Variants in GNG2 observed in about 807,000 individuals in gnomAD.
GNG2 encodes G protein subunit gamma 2.
In GNG2, 5 loss-of-function variants were observed where a neutral mutation model predicts 5.5. The observed-to-expected ratio is 0.91, with a 90% CI of 0.48 to 1.92. The LOEUF (loss-of-function observed/expected upper bound fraction) is 1.92, where lower values mean the gene tolerates loss of function less well. Ranked by LOEUF, GNG2 falls within the 30% of genes most tolerant of loss-of-function variation. The pLI, the probability that GNG2 is intolerant of heterozygous loss-of-function variation, is 0.01. For synonymous variants in GNG2, 28 were observed against 32.0 expected (o/e 0.88, Z 0.42); for missense variants, 55 against 88.4 (o/e 0.62, Z 1.52).
chr14:51,829,842 C>CTTTTT (rs1178449589), intron 2 of GNG2, among the ~76,000 whole-genome samples: 1 of 113,252 alleles, frequency 8.8e-6, no homozygotes, highest in African/African-American at 3.6e-5. Context: ...CTCCCTACTT[C>CTTTTT]TTCTTTTTTT....
At chr14:51,839,509 A>G (rs191466709) in intron 2 of GNG2, among the ~76,000 whole-genome samples, 2 of 152,242 alleles carry the variant, frequency 1.3e-5, no homozygotes, top group East Asian at 3.9e-4. Flanking sequence ...GGTTTGCCCT[A>G]CACAGTTCCC....
chr14:51,924,230 A>C (rs546620794), intron 2 of GNG2, among the ~76,000 whole-genome samples: 12 of 152,340 alleles, frequency 7.9e-5, no homozygotes, highest in Non-Finnish European at 1.5e-4. Context: ...GAAAATAGGA[A>C]TGATAACACC....
intron 2 of GNG2, among the ~76,000 whole-genome samples, chr14:51,943,493 C>A (rs1166374342): frequency 6.6e-6 from 1 of 152,192 alleles, no homozygotes; most frequent in Non-Finnish European, 1.5e-5. Context: ...TCTAATGGGA[C>A]TCTGTCAACC....
chr14:51,961,166 T>G (rs1889591683), intron 3 of GNG2, among the ~76,000 whole-genome samples: 1 of 152,174 alleles, frequency 6.6e-6, no homozygotes, highest in South Asian at 2.1e-4. Context: ...AGTTAAAAAT[T>G]ATTTCTTCAT....
intron 2 of GNG2, among the ~76,000 whole-genome samples, chr14:51,879,696 C>T (rs1883914568): frequency 2.0e-5 from 3 of 152,188 alleles, no homozygotes; most frequent in South Asian, 4.1e-4. Flanking sequence ...CGTCTTTCTA[C>T]CATAGTCCCA....
chr14:51,879,979 T>C, intron 2 of GNG2, among the ~76,000 whole-genome samples: 1 of 152,202 alleles, frequency 6.6e-6, no homozygotes, highest in African/African-American at 2.4e-5. Context: ...GACCATCTAA[T>C]GTCTAATTAT....
At chr14:51,906,635 T>G (rs12147761) in intron 2 of GNG2, among the ~76,000 whole-genome samples, 95,565 of 151,996 alleles carry the variant, frequency 0.63, 30,523 homozygotes, top group East Asian at 0.95. Context: ...AGAAAGCTAT[T>G]AATTGTACAG....
At chr14:51,842,461 G>A (rs529114982) in intron 2 of GNG2, among the ~76,000 whole-genome samples, 7 of 152,084 alleles carry the variant, frequency 4.6e-5, no homozygotes, top group Non-Finnish European at 7.4e-5. Context: ...TGCAGCAGCC[G>A]CAGGGCTCCG....
intron 2 of GNG2, among the ~76,000 whole-genome samples, chr14:51,880,222 A>T (rs572997419): frequency 6.6e-6 from 1 of 152,292 alleles, no homozygotes; most frequent in Non-Finnish European, 1.5e-5. Context: ...CCAACTCTGG[A>T]GGGTTTGCCT....
exon 2 of GNG2, chr14:51,827,767 A>G (rs1881067252): frequency 1.4e-6 from 1 of 700,534 alleles, no homozygotes; most frequent in Non-Finnish European, 2.6e-6. Flanking sequence ...TGCAACCTCC[A>G]ATGGAAAGAG....
intron 2 of GNG2, among the ~76,000 whole-genome samples, chr14:51,887,768 A>G (rs528684810): frequency 1.3e-5 from 2 of 152,360 alleles, no homozygotes; most frequent in African/African-American, 2.4e-5. Context: ...CCTAGTATGA[A>G]AAATGAGAAT....
intron 2 of GNG2, among the ~76,000 whole-genome samples, chr14:51,881,741 T>C (rs1368141196): frequency 6.7e-6 from 1 of 150,312 alleles, no homozygotes; most frequent in Non-Finnish European, 1.5e-5. Context: ...TTTAATAGTT[T>C]CCTGTCTTCC....
At chr14:51,962,565 A>C (rs1889676299) in intron 3 of GNG2, among the ~76,000 whole-genome samples, 3 of 152,232 alleles carry the variant, frequency 2.0e-5, no homozygotes, top group African/African-American at 7.2e-5. Context: ...AATCCAAATT[A>C]ATTGCCTTTA....
chr14:51,895,829 G>A (rs946336003), intron 2 of GNG2, among the ~76,000 whole-genome samples: 5 of 152,180 alleles, frequency 3.3e-5, no homozygotes, highest in Admixed American at 3.3e-4. Context: ...CTGTTCTTGC[G>A]ATAGTGAATG....
At chr14:51,887,613 C>T (rs80055246) in intron 2 of GNG2, among the ~76,000 whole-genome samples, 14,158 of 152,080 alleles carry the variant, frequency 0.093, 894 homozygotes, top group Non-Finnish European at 0.14. Flanking sequence ...AGTTCTGGGA[C>T]GGGTTGGGTC....
At position 51,869,703 on chromosome 14, in the gene GNG2, G is replaced by C. The variant is rs139654057; in HGVS notation, c.-70-7914G>C. ...TAATTTTTGTATTTGAGTAAAGATGGGGTTTCACCGTGTTACCCAGACTGG... is the reference window on the plus strand; with the variant it reads ...TAATTTTTGTATTTGAGTAAAGATGCGGTTTCACCGTGTTACCCAGACTGG... On this transcript the variant is annotated intron_variant, in intron 1 of 3. Transcript: ENST00000556766. 2.1e-3 allele frequency among the ~76,000 whole-genome samples: 318 copies of C among 152,136 alleles called. 2 individuals carry two copies. The highest frequency in any genetic ancestry group is 6.9e-3 in the African/African-American group (287 of 41,490).
At chr14:51,837,631 G>T (rs892028212) in intron 2 of GNG2, among the ~76,000 whole-genome samples, 12 of 145,860 alleles carry the variant, frequency 8.2e-5, no homozygotes, top group Non-Finnish European at 1.8e-4. Flanking sequence ...TGGGTGACAG[G>T]GTGAGACTCC....
At chr14:51,835,065 C>T (rs1881294799) in intron 2 of GNG2, among the ~76,000 whole-genome samples, 1 of 152,218 alleles carries the variant, frequency 6.6e-6, no homozygotes, top group South Asian at 2.1e-4. Flanking sequence ...CAGAGAGTGG[C>T]TCAGCTCCTT....
chr14:51,846,431 C>T (rs1265979666), intron 2 of GNG2, among the ~76,000 whole-genome samples: 1 of 152,086 alleles, frequency 6.6e-6, no homozygotes, highest in Admixed American at 6.6e-5. Context: ...AGGAAAGCAG[C>T]TAAATTTGTT....
Sources: gnomAD v4.1 joint callset for allele counts (sites outside exome capture counted in the v4.1 genomes callset) on GRCh38, gnomAD v4.1.1 for gene constraint, MANE v1.5 for transcripts, NCBI Gene and HGNC (gene_info 2026-07-23, HGNC 2026-07-21) for gene names.